Variants in PLCB4 observed in about 807,000 individuals in gnomAD.
The protein encoded by PLCB4 is phospholipase C beta 4.
A neutral mutation model predicts 178.8 loss-of-function variants in PLCB4; 77 were observed. The observed-to-expected ratio is 0.43, with a 90% confidence interval of 0.36 to 0.52. PLCB4 has a LOEUF of 0.52. Among genes scored for constraint, PLCB4 ranks in the 20% least tolerant of loss-of-function variants. The probability of loss-of-function intolerance (pLI) is 0.00; values close to 1 mark genes in which losing one functional copy is unlikely to be tolerated. For missense variants in PLCB4, 1,024 were observed against 1,453.4 expected, an observed-to-expected ratio of 0.70 and a Z score of 4.80; for synonymous variants, 496 against 490.8, an observed-to-expected ratio of 1.01 and a Z score of -0.14.
At chr20:9,279,291 T>G (rs1285338491) in intron 3 of PLCB4, among the ~76,000 whole-genome samples, 1 of 152,080 alleles carries the variant, frequency 6.6e-6, no homozygotes, top group Non-Finnish European at 1.5e-5. Context: ...TGAATTCAGT[T>G]TCTCATGCAG....
intron 28 of PLCB4, among the ~76,000 whole-genome samples, chr20:9,426,648 A>AT (rs1370131053): frequency 6.6e-6 from 1 of 152,036 alleles, no homozygotes; most frequent in Non-Finnish European, 1.5e-5. Context: ...AAGTGCTGGG[A>AT]TTACAGACGT....
intron 3 of PLCB4, among the ~76,000 whole-genome samples, chr20:9,288,497 G>A (rs1407932826): frequency 1.3e-5 from 2 of 148,938 alleles, no homozygotes; most frequent in East Asian, 4.1e-4. Flanking sequence ...CAGTCCTTTT[G>A]TAGCAGTGAG....
At chr20:9,428,019 C>G (rs2041147058) in intron 28 of PLCB4, among the ~76,000 whole-genome samples, 1 of 152,156 alleles carries the variant, frequency 6.6e-6, no homozygotes, top group East Asian at 1.9e-4. Context: ...CCCTTTCCAC[C>G]TTCCCTATGA....
chr20:9,254,113 A>G (rs2147502124), intron 3 of PLCB4, among the ~76,000 whole-genome samples: 1 of 152,356 alleles, frequency 6.6e-6, no homozygotes, highest in South Asian at 2.1e-4. Flanking sequence ...ATACATTTCC[A>G]TGATAAGTAA....
intron 4 of PLCB4, among the ~76,000 whole-genome samples, chr20:9,320,535 C>T (rs1218535071): frequency 2.0e-5 from 3 of 152,136 alleles, no homozygotes; most frequent in Admixed American, 1.3e-4. Flanking sequence ...GGAATGTAGC[C>T]TAGTAGGTCT....
chr20:9,419,673 C>A, intron 25 of PLCB4, 134 bp from the exon 26 acceptor site: 2 of 681,020 alleles, frequency 2.9e-6, no homozygotes, highest in Non-Finnish European at 2.7e-6. Flanking sequence ...TCTCTTCCAT[C>A]CTTAGGACCC....
chr20:9,259,966 G>A (rs1601484671), intron 3 of PLCB4, among the ~76,000 whole-genome samples: 2 of 152,020 alleles, frequency 1.3e-5, no homozygotes, highest in East Asian at 1.9e-4. Context: ...AATCACAAAT[G>A]TGACTTACAC....
At chr20:9,105,642 C>A (rs972351821) in intron 2 of PLCB4, among the ~76,000 whole-genome samples, 1 of 151,816 alleles carries the variant, frequency 6.6e-6, no homozygotes, top group African/African-American at 2.4e-5. Context: ...ATTAAAGAAC[C>A]TTGTTTTACA....
chr20:9,213,695 G>A (rs562373391), intron 2 of PLCB4, among the ~76,000 whole-genome samples: 216 of 152,140 alleles, frequency 1.4e-3, no homozygotes, highest in African/African-American at 5.1e-3. Context: ...GGAATTACTG[G>A]GTAATACAGT....
intron 7 of PLCB4, among the ~76,000 whole-genome samples, chr20:9,353,532 T>G (rs982322037): frequency 6.6e-6 from 1 of 152,218 alleles, no homozygotes; most frequent in Non-Finnish European, 1.5e-5. Context: ...CAAACAAACA[T>G]TAGTGGTTTT....
intron 34 of PLCB4, 29 bp from the exon 35 acceptor site, chr20:9,459,606 A>C: frequency 6.4e-7 from 1 of 1,565,866 alleles, no homozygotes; most frequent in Non-Finnish European, 8.8e-7. Flanking sequence ...TGAGGATTAC[A>C]ATGGCACCGT....
At chr20:9,251,104 C>G (rs1177393710) in intron 3 of PLCB4, among the ~76,000 whole-genome samples, 1 of 152,128 alleles carries the variant, frequency 6.6e-6, no homozygotes, top group Non-Finnish European at 1.5e-5. Flanking sequence ...TCCTGGATCC[C>G]CAGTTGCTCA....
chr20:9,470,639 A>C (rs1285648521), intron 36 of PLCB4, among the ~76,000 whole-genome samples: 1 of 152,230 alleles, frequency 6.6e-6, no homozygotes, highest in African/African-American at 2.4e-5. Flanking sequence ...CTTAATTAGC[A>C]AGGGTCTTAA....
At chr20:9,212,054 T>C (rs2093678827) in intron 2 of PLCB4, among the ~76,000 whole-genome samples, 1 of 152,216 alleles carries the variant, frequency 6.6e-6, no homozygotes, top group African/African-American at 2.4e-5. Context: ...CATTTCTCTA[T>C]CTTTTGAATG....
intron 3 of PLCB4, among the ~76,000 whole-genome samples, chr20:9,268,818 C>T (rs576656976): frequency 6.6e-6 from 1 of 152,294 alleles, no homozygotes; most frequent in African/African-American, 2.4e-5. Context: ...AATGCCCAGA[C>T]TACATGCATG....
chr20:9,113,162 G>C (rs1471675764), intron 2 of PLCB4, among the ~76,000 whole-genome samples: 5 of 152,142 alleles, frequency 3.3e-5, no homozygotes, highest in African/African-American at 1.2e-4. Context: ...AGTAAAGCTT[G>C]TTAATTGAGT....
intron 4 of PLCB4, among the ~76,000 whole-genome samples, chr20:9,317,157 A>G (rs1601803912): frequency 6.6e-6 from 1 of 152,258 alleles, no homozygotes; most frequent in Non-Finnish European, 1.5e-5. Context: ...ACAATGCCAC[A>G]TAGAAATGAG....
At chr20:9,147,085 A>G (rs1226900636) in intron 2 of PLCB4, among the ~76,000 whole-genome samples, 1 of 152,128 alleles carries the variant, frequency 6.6e-6, no homozygotes, top group East Asian at 1.9e-4. Context: ...GATTGGCAAA[A>G]AGATTGGATA....
chr20:9,111,197 A>G (rs985243369), intron 2 of PLCB4, among the ~76,000 whole-genome samples: 1 of 152,134 alleles, frequency 6.6e-6, no homozygotes, highest in African/African-American at 2.4e-5. Context: ...GGGAAGGTAC[A>G]TTGGGCAAAG....
Sources: allele counts gnomAD v4.1 joint callset (sites outside exome capture counted in the v4.1 genomes callset), GRCh38; gene constraint gnomAD v4.1.1; transcripts MANE v1.5; gene names NCBI Gene and HGNC (gene_info 2026-07-23, HGNC 2026-07-21).